Variants in FBXL13 observed in about 807,000 individuals in gnomAD.
FBXL13 encodes F-box and leucine rich repeat protein 13.
FBXL13 carries 67 observed loss-of-function variants against 83.6 expected under a neutral mutation model. That is an observed-to-expected ratio of 0.80 (90% CI 0.66 to 0.98). The LOEUF is 0.98. Among genes scored for constraint, FBXL13 ranks in the 50% least tolerant of loss-of-function variants. The pLI is 0.00. For missense variants in FBXL13, 822 were observed against 866.5 expected, an observed-to-expected ratio of 0.95 and a Z score of 0.64; for synonymous variants, 272 against 299.5, an observed-to-expected ratio of 0.91 and a Z score of 0.95.
intron 2 of FBXL13, among the ~76,000 whole-genome samples, chr7:103,044,422 T>C: frequency 6.6e-6 from 1 of 152,240 alleles, no homozygotes; most frequent in Admixed American, 6.5e-5. Flanking sequence ...TAATCAGGAC[T>C]AGATGACATT....
chr7:102,910,799 C>A (rs892734652), intron 11 of FBXL13, among the ~76,000 whole-genome samples: 4 of 152,212 alleles, frequency 2.6e-5, no homozygotes, highest in Non-Finnish European at 2.9e-5. Context: ...CACTCTGTCT[C>A]CCAGGCTGGA....
At chr7:103,019,489 G>A (rs1792842946) in intron 6 of FBXL13, among the ~76,000 whole-genome samples, 2 of 152,176 alleles carry the variant, frequency 1.3e-5, no homozygotes, top group African/African-American at 2.4e-5. Context: ...AGAACTGAAG[G>A]AGATAGAGAC....
rs74358989 is a variant in FBXL13, at chr7:102,824,391, A to C, written c.1855-2188T>G. On this transcript the variant is annotated intron_variant, in intron 18 of 19. Transcript: ENST00000313221. The stretch of plus-strand genomic sequence containing the variant: ...AGCAATTACACATTTATCACTTAAC[A>C]TAACTACTTTTAATGTTCTGGAGTA... Among the ~76,000 whole-genome samples, 2,141 of 152,366 alleles carry C rather than the reference A, an allele frequency of 0.014. 117 individuals carry two copies. In the East Asian group the frequency reaches 0.16, roughly 11 times the overall value.
chr7:102,954,557 ATAAATGGGC>A (rs1303023858), intron 8 of FBXL13, among the ~76,000 whole-genome samples: 2 of 152,196 alleles, frequency 1.3e-5, no homozygotes, highest in Non-Finnish European at 2.9e-5. Flanking sequence ...AACTTTAAAT[ATAAATGGGC>A]TAAATGCCCC....
chr7:102,879,438 G>GATGTGT (rs1809703461), intron 14 of FBXL13, among the ~76,000 whole-genome samples: 1 of 93,636 alleles, frequency 1.1e-5, no homozygotes, highest in South Asian at 3.4e-4. Context: ...AGCAGTTAAG[G>GATGTGT]ATGTGTGTGT....
At chr7:102,977,531 A>G (rs1366357504) in intron 6 of FBXL13, among the ~76,000 whole-genome samples, 1 of 152,236 alleles carries the variant, frequency 6.6e-6, no homozygotes, top group Admixed American at 6.5e-5. Context: ...TCTCTAATTT[A>G]GAAGGATTTA....
In FBXL13 at chr7:103,053,857, G is replaced by T. The variant is rs74720467; in HGVS notation, c.-1+1787C>A. Among the ~76,000 whole-genome samples the T allele has an allele frequency of 1.1e-3, 173 of 152,266 alleles. 1 individual carries two copies. The highest frequency in any genetic ancestry group is 0.01 in the Middle Eastern group (3 of 294). ...CAGATCAAGTAGGATGGGATACATG[G>T]GTTCTGCCCAGTGTACTGGCACCTC... On this transcript the variant is annotated intron_variant, in intron 2 of 19. Coordinates refer to ENST00000313221, the Ensembl canonical transcript of FBXL13.
At chr7:102,851,161 T>A (rs1176746691) in intron 17 of FBXL13, among the ~76,000 whole-genome samples, 2 of 152,176 alleles carry the variant, frequency 1.3e-5, no homozygotes, top group Non-Finnish European at 2.9e-5. Context: ...AGGGAGTTGC[T>A]TTAGATGTTT....
intron 14 of FBXL13, among the ~76,000 whole-genome samples, chr7:102,882,947 A>G (rs757306713): frequency 1.8e-4 from 27 of 152,100 alleles, no homozygotes; most frequent in Non-Finnish European, 3.4e-4. Context: ...AAAACCTTCA[A>G]TGAGATTGGT....
chr7:102,980,676 C>A (rs1828092504), intron 6 of FBXL13, among the ~76,000 whole-genome samples: 1 of 151,944 alleles, frequency 6.6e-6, no homozygotes, highest in South Asian at 2.1e-4. Flanking sequence ...ACTCAGGAGG[C>A]TGAGTCAGGA....
At chr7:102,900,365 G>A (rs752217606) in intron 11 of FBXL13, among the ~76,000 whole-genome samples, 6 of 152,172 alleles carry the variant, frequency 3.9e-5, no homozygotes, top group Non-Finnish European at 8.8e-5. Flanking sequence ...AAAGCATTTA[G>A]GTGTAAGCTC....
intron 11 of FBXL13, among the ~76,000 whole-genome samples, chr7:102,895,810 CTCTT>C (rs1341973885): frequency 6.6e-6 from 1 of 152,224 alleles, no homozygotes; most frequent in Non-Finnish European, 1.5e-5. Flanking sequence ...CCCATTAAAA[CTCTT>C]TCTCCTACTC....
intron 19 of FBXL13, among the ~76,000 whole-genome samples, chr7:102,815,985 T>C (rs934937902): frequency 6.6e-6 from 1 of 152,196 alleles, no homozygotes; most frequent in Non-Finnish European, 1.5e-5. Context: ...ACTCATTTAA[T>C]GCAGTGTGAT....
intron 8 of FBXL13, among the ~76,000 whole-genome samples, chr7:102,940,823 T>C (rs1051390067): frequency 2.0e-5 from 3 of 152,230 alleles, no homozygotes; most frequent in Non-Finnish European, 4.4e-5. Context: ...ATTTATAACA[T>C]ATATAACACA....
intron 2 of FBXL13, among the ~76,000 whole-genome samples, chr7:103,031,508 G>A (rs1352144660): frequency 6.6e-6 from 1 of 152,188 alleles, no homozygotes; most frequent in Non-Finnish European, 1.5e-5. Flanking sequence ...ACAACTTTGT[G>A]GGCAAGTCAG....
intron 18 of FBXL13, among the ~76,000 whole-genome samples, chr7:102,832,528 A>G (rs1800892625): frequency 6.6e-6 from 1 of 152,222 alleles, no homozygotes; most frequent in African/African-American, 2.4e-5. Context: ...GTTCCTACAA[A>G]TACTAAGTTC....
intron 2 of FBXL13, among the ~76,000 whole-genome samples, chr7:103,032,203 A>C (rs987066313): frequency 6.6e-6 from 1 of 152,228 alleles, no homozygotes; most frequent in Admixed American, 6.5e-5. Flanking sequence ...AAAAAATTTC[A>C]TTCCTCTGCC....
At chr7:102,927,346 T>C (rs188716899) in intron 9 of FBXL13, among the ~76,000 whole-genome samples, 15 of 152,270 alleles carry the variant, frequency 9.9e-5, no homozygotes, top group African/African-American at 3.6e-4. Flanking sequence ...TATCTATCTG[T>C]CTGGAAGAGG....
At chr7:102,963,006 TAAAA>T (rs1157647184) in intron 8 of FBXL13, among the ~76,000 whole-genome samples, 6 of 48,546 alleles carry the variant, frequency 1.2e-4, no homozygotes, top group African/African-American at 3.8e-4. Context: ...TATATATATA[TAAAA>T]AAAAAAAAAA....
Sources: gnomAD v4.1 joint callset for allele counts (sites outside exome capture counted in the v4.1 genomes callset) on GRCh38, gnomAD v4.1.1 for gene constraint, MANE v1.5 for transcripts, NCBI Gene and HGNC (gene_info 2026-07-23, HGNC 2026-07-21) for gene names.